TNRC18: variants seen among roughly 807,000 people sequenced by gnomAD.
TNRC18 encodes the protein trinucleotide repeat containing 18.
In TNRC18, 69 loss-of-function variants were observed where a neutral mutation model predicts 226.7. The ratio of observed to expected loss-of-function variants is 0.30; its 90% confidence interval spans 0.25 to 0.37. The LOEUF (loss-of-function observed/expected upper bound fraction) is 0.37. Ranked by LOEUF, TNRC18 falls within the 10% of genes least tolerant of loss-of-function variation. TNRC18 has a pLI of 1.00. For missense variants in TNRC18, 4,754 were observed against 4,256.6 expected (o/e 1.12, Z -3.25); for synonymous variants, 2,449 against 1,927.6 (o/e 1.27, Z -7.09).
At position 5,374,329 on chromosome 7, in the gene TNRC18, G is replaced by A. The variant is rs376427559; in HGVS notation, c.2955C>T (p.Thr985=). 6.3e-6 allele frequency: 9 copies of A among 1,422,512 alleles called. No homozygotes were observed. In the African/African-American group the frequency reaches 9.1e-5, roughly 14 times the overall value. The allele number at this position is 1,422,512 out of a possible 1,614,324, so 88.1% of individuals were successfully genotyped here. ...GTGGCGGGCTCACGGCCTTGCCGTA[G>A]GTGCCCGCGGGGCCGGCGGCCAGGC... The part of the protein sequence containing the change: ...PPGLAAGPAG[T]YGKAVSPPPS... The change falls in exon 10 of 30, where the codon ACC becomes ACT. Residue 985 remains threonine, a synonymous_variant. Coordinates refer to ENST00000430969, the MANE Select transcript of TNRC18 (RefSeq NM_001080495.3).
intron 22 of TNRC18, 35 bp from the exon 23 acceptor site, chr7:5,320,642 C>T: frequency 6.3e-7 from 1 of 1,591,670 alleles, no homozygotes; most frequent in Non-Finnish European, 8.6e-7. Context: ...GTGGCAGAGG[C>T]CGAGACCTCC....
chr7:5,357,382 C>T (rs1402391798), intron 15 of TNRC18, 106 bp from the exon 16 acceptor site: 4 of 1,251,960 alleles, frequency 3.2e-6, no homozygotes, highest in African/African-American at 1.5e-5. Flanking sequence ...TCACCTGCCT[C>T]TGTGATTTAA....
intron 2 of TNRC18, among the ~76,000 whole-genome samples, chr7:5,395,992 G>A (rs191910930): frequency 0.039 from 5,346 of 135,458 alleles, 104 homozygotes; most frequent in African/African-American, 0.074. Context: ...GAGAGACTCC[G>A]TCTCAAAAAA....
intron 17 of TNRC18, among the ~76,000 whole-genome samples, chr7:5,347,178 CAAAAAAAAAA>C (rs201113775): frequency 7.1e-6 from 1 of 141,590 alleles, no homozygotes; most frequent in South Asian, 2.2e-4. Flanking sequence ...CTTGTCTCTA[CAAAAAAAAAA>C]ATTTTTTTTT....
At chr7:5,338,862 G>T (rs1790385169) in intron 18 of TNRC18, among the ~76,000 whole-genome samples, 1 of 149,452 alleles carries the variant, frequency 6.7e-6, no homozygotes, top group Non-Finnish European at 1.5e-5. Flanking sequence ...GGAGGTTGTG[G>T]TGAGCCGAGA....
chr7:5,345,517 G>GT, intron 18 of TNRC18, 45 bp downstream of exon 18: 85 of 377,744 alleles, frequency 2.3e-4, no homozygotes, highest in South Asian at 1.3e-3. Context: ...AATGGCGTCC[G>GT]CCCCTCCCAC....
At chr7:5,364,481 A>G (rs1477202860) in intron 11 of TNRC18, among the ~76,000 whole-genome samples, 1 of 109,940 alleles carries the variant, frequency 9.1e-6, no homozygotes, top group Non-Finnish European at 1.9e-5. Flanking sequence ...ACACACACAC[A>G]CACACACACA....
At position 5,423,792 on chromosome 7, in the gene TNRC18, G is replaced by T. The variant is rs1452510681; in HGVS notation, c.-595C>A. ...CATATACAGCCCGGGATTGGAAAAG[G>T]TACATTACACAACCCCCCTTTCAAG... On this transcript the variant is annotated 5_prime_UTR_variant, in exon 1 of 30. It introduces an in-frame stop codon into an upstream open reading frame of the 5' UTR. Coordinates refer to ENST00000430969, the MANE Select transcript of TNRC18 (RefSeq NM_001080495.3). Among the ~76,000 whole-genome samples the T allele has an allele frequency of 6.8e-6, 1 of 147,910 alleles. No individual in the cohort carries two copies. Among genetic ancestry groups the T allele is most frequent in the African/African-American group, 2.5e-5 (1 of 40,286 alleles).
intron 2 of TNRC18, among the ~76,000 whole-genome samples, chr7:5,403,455 C>T (rs1162409170): frequency 6.6e-6 from 1 of 151,914 alleles, no homozygotes; most frequent in African/African-American, 2.4e-5. Context: ...CCACCATGCC[C>T]GGTTTATCTT....
At position 5,313,022 on chromosome 7, in the gene TNRC18, G is replaced by GGAGGATGAGGAT. The variant is rs1562477715; in HGVS notation, c.7868_7869insATCCTCATCCTC (p.Ser2668_Ser2671dup). The GGAGGATGAGGAT allele has an allele frequency of 1.1e-5, 9 of 843,308 alleles. No homozygotes were observed. The highest frequency in any genetic ancestry group is 6.6e-5 in the Admixed American group (3 of 45,298). 52.2% of individuals were successfully genotyped at this position (843,308 alleles called of 1,614,324 possible). On this transcript the variant is annotated inframe_insertion, in exon 27 of 30. Coordinates refer to ENST00000430969, the MANE Select transcript of TNRC18 (RefSeq NM_001080495.3). ...AGGAGGATGAGGAGGAGGAGGAGGA[G>GGAGGATGAGGAT]GAGGAGGAGGATGAGGAGGAGGAGG...
In TNRC18 at chr7:5,389,304, C is replaced by A; in HGVS notation, c.520G>T (p.Gly174Cys). The A allele has an allele frequency of 7.8e-7, 1 of 1,282,902 alleles. No individual in the cohort carries two copies. The highest frequency in any genetic ancestry group is 9.9e-7 in the Non-Finnish European group (1 of 1,015,200). The allele number at this position is 1,282,902 out of a possible 1,614,324, so 79.5% of individuals were successfully genotyped here. A position where few individuals can be genotyped will look rare whatever the true frequency, so the allele number is the denominator to read the frequency against. ...GAGGGCGCGTGAGAGTGCAGGGAGC[C>A]CGGAGCCCCCGCGGTGGGCAGGTAG... ...GFYLPTAGAP[G>C]SLHSHAPSAR... The change falls in exon 5 of 30, where the codon GGC (glycine) becomes TGC (cysteine). Residue 174 changes from glycine to cysteine, a missense_variant. Gly to Cys is a radical substitution (Grantham distance 159, BLOSUM62 -3). Coordinates refer to ENST00000430969, the MANE Select transcript of TNRC18 (RefSeq NM_001080495.3).
intron 8 of TNRC18, 36 bp from the exon 9 acceptor site, chr7:5,376,260 C>G (rs532214575): frequency 7.0e-7 from 1 of 1,418,674 alleles, no homozygotes; most frequent in Non-Finnish European, 9.2e-7. Context: ...CACCTGCGGC[C>G]TGATGCTCCA....
chr7:5,414,010 T>A (rs1044677586), intron 2 of TNRC18, among the ~76,000 whole-genome samples: 2 of 152,152 alleles, frequency 1.3e-5, no homozygotes, highest in Non-Finnish European at 2.9e-5. Flanking sequence ...TGGAGTGCAG[T>A]GGCACGATCT....
chr7:5,351,293 T>C (rs1400375876), intron 17 of TNRC18, among the ~76,000 whole-genome samples: 1 of 151,882 alleles, frequency 6.6e-6, no homozygotes, highest in Non-Finnish European at 1.5e-5. Flanking sequence ...ACAGGTTTAG[T>C]TAAAAATGAA....
In TNRC18 at chr7:5,312,310, G is replaced by A. The variant is rs983065995; in HGVS notation, c.8388+193C>T. On this transcript the variant is annotated intron_variant, in intron 27 of 29. Coordinates refer to ENST00000430969, the MANE Select transcript of TNRC18 (RefSeq NM_001080495.3). The surrounding 1 kb of genome is among the most constrained non-coding windows in gnomAD (Gnocchi z 6.3). The stretch of plus-strand genomic sequence containing the variant: ...CTCTGCTCTGAAGGACTCGGGCATC[G>A]GAGTCCGACAGACCCAGGTGCCTGA... Among the ~76,000 whole-genome samples the A allele has an allele frequency of 2.4e-4, 37 of 152,146 alleles. No individual in the cohort carries two copies. Among genetic ancestry groups the A allele is most frequent in the Admixed American group, 1.4e-3 (22 of 15,270 alleles).
rs1407411859 is a variant in TNRC18 at position 5,313,084 on chromosome 7, T to C, written c.7807A>G (p.Ser2603Gly). 6 of 1,267,334 alleles carry C rather than the reference T, an allele frequency of 4.7e-6. No homozygotes were observed. Among genetic ancestry groups the C allele is most frequent in the Non-Finnish European group, 4.4e-6 (4 of 899,884 alleles). The allele number at this position is 1,267,334 out of a possible 1,614,324, so 78.5% of individuals were successfully genotyped here. Residue 2603 changes from serine to glycine, a missense_variant, in exon 27 of 30, where the codon AGC (serine) becomes GGC (glycine). Physicochemically the swap from Ser to Gly is moderately conservative, Grantham distance 56. Coordinates refer to ENST00000430969, the MANE Select transcript of TNRC18 (RefSeq NM_001080495.3). ...GGCGTGGRNCSAASSRAASPA... is the reference protein window; with the variant it reads ...GGCGTGGRNCGAASSRAASPA... ...GAGGCCGCCCTGGAGCTGGCAGCGC[T>C]GCAGTTACGGCCCCCGGTGCCGCAG...
At chr7:5,355,548 T>G (rs566643887) in intron 16 of TNRC18, among the ~76,000 whole-genome samples, 7 of 152,228 alleles carry the variant, frequency 4.6e-5, no homozygotes, top group African/African-American at 1.7e-4. Flanking sequence ...GGCCAGGAGT[T>G]CCAGACTAGC....
chr7:5,338,662 T>C (rs1790358902), intron 18 of TNRC18, among the ~76,000 whole-genome samples: 1 of 147,144 alleles, frequency 6.8e-6, no homozygotes, highest in Non-Finnish European at 1.5e-5. Context: ...AGCTCACGCC[T>C]GTAATCCCAG....
intron 9 of TNRC18, among the ~76,000 whole-genome samples, chr7:5,375,366 A>G (rs1157444221): frequency 6.6e-6 from 1 of 152,134 alleles, no homozygotes; most frequent in Non-Finnish European, 1.5e-5. Context: ...CTCCAAGGAC[A>G]GGCCGCTCTC....
Sources: allele counts gnomAD v4.1 joint callset (sites outside exome capture counted in the v4.1 genomes callset), GRCh38; gene constraint gnomAD v4.1.1; non-coding constraint Gnocchi (gnomAD v3.1); transcripts MANE v1.5; gene names NCBI Gene and HGNC (gene_info 2026-07-23, HGNC 2026-07-21).